The following VAV3 variants were observed in gnomAD, a reference collection of about 807,000 sequenced individuals.
VAV3 encodes guanine nucleotide exchange factor VAV3.
A neutral mutation model predicts 131.2 loss-of-function variants in VAV3; 94 were observed. That is an observed-to-expected ratio of 0.72 (90% confidence interval 0.61 to 0.85). VAV3 has a LOEUF of 0.85. Ranked by LOEUF, VAV3 falls within the 40% of genes least tolerant of loss-of-function variation. The pLI, the probability that VAV3 is intolerant of heterozygous loss-of-function variation, is 0.00. For missense variants in VAV3, 939 were observed against 1,002.7 expected, an observed-to-expected ratio of 0.94 and a Z score of 0.86; for synonymous variants, 349 against 342.0, an observed-to-expected ratio of 1.02 and a Z score of -0.22.
chr1:107,897,571 C>G (rs1671651566), intron 1 of VAV3, among the ~76,000 whole-genome samples: 1 of 152,048 alleles, frequency 6.6e-6, no homozygotes. Flanking sequence ...GTCAAGAAGG[C>G]TTTAGCCTCC....
At chr1:107,804,247 T>G (rs1666957892) in intron 2 of VAV3, among the ~76,000 whole-genome samples, 1 of 152,178 alleles carries the variant, frequency 6.6e-6, no homozygotes, top group Non-Finnish European at 1.5e-5. Context: ...TCAGTGCTAT[T>G]ACTGATGGGT....
intron 17 of VAV3, among the ~76,000 whole-genome samples, chr1:107,697,932 G>A (rs1206040788): frequency 6.6e-6 from 1 of 152,186 alleles, no homozygotes; most frequent in East Asian, 1.9e-4. Flanking sequence ...TCAGTACTGG[G>A]CTTTTGACAC....
At chr1:107,961,310 C>T (rs1675071541) in intron 1 of VAV3, among the ~76,000 whole-genome samples, 1 of 152,142 alleles carries the variant, frequency 6.6e-6, no homozygotes, top group African/African-American at 2.4e-5. Context: ...ATCTTCTTAA[C>T]CACTAAAAGT....
chr1:107,753,437 C>T (rs921753714), intron 12 of VAV3, among the ~76,000 whole-genome samples: 7 of 148,950 alleles, frequency 4.7e-5, no homozygotes, highest in East Asian at 2.0e-4. Context: ...CAAATTAATG[C>T]TATATATATT....
chr1:107,939,060 G>A (rs1413609744), intron 1 of VAV3, among the ~76,000 whole-genome samples: 1 of 152,162 alleles, frequency 6.6e-6, no homozygotes, highest in Non-Finnish European at 1.5e-5. Context: ...CCATGTGGCA[G>A]CCCCAGAATC....
intron 19 of VAV3, among the ~76,000 whole-genome samples, chr1:107,667,291 C>T (rs1270884995): frequency 2.0e-5 from 3 of 152,174 alleles, no homozygotes; most frequent in Non-Finnish European, 4.4e-5. Context: ...ATGCTAATAA[C>T]ACCCCCAGTA....
chr1:107,781,174 C>T (rs906949126), intron 2 of VAV3, among the ~76,000 whole-genome samples: 1 of 152,084 alleles, frequency 6.6e-6, no homozygotes, highest in African/African-American at 2.4e-5. Context: ...CTATGCTCAC[C>T]TTTACTAGCC....
intron 20 of VAV3, among the ~76,000 whole-genome samples, chr1:107,635,298 T>C (rs1654831768): frequency 6.6e-6 from 1 of 151,890 alleles, no homozygotes; most frequent in Non-Finnish European, 1.5e-5. Context: ...CCATAAAAAA[T>C]GATGAGTTCA....
rs548063778 is a variant in VAV3 at position 107,841,354 on chromosome 1, T to C, written c.321+33547A>G. Among the ~76,000 whole-genome samples, 84 of 151,886 alleles carry C rather than the reference T, an allele frequency of 5.5e-4. 1 individual carries two copies. Among genetic ancestry groups the C allele is most frequent in the African/African-American group, 2.0e-3 (82 of 41,402 alleles). ...GGTATATCAGCTGTAATAAGAAATA[T>C]GGGGAAAAAAACTAAAGCAATATAA... On this transcript the variant is annotated intron_variant, in intron 2 of 26. Coordinates refer to ENST00000370056, the MANE Select transcript of VAV3 (RefSeq NM_006113.5).
intron 1 of VAV3, among the ~76,000 whole-genome samples, chr1:107,953,807 C>T (rs1180677964): frequency 6.6e-6 from 1 of 152,110 alleles, no homozygotes; most frequent in Admixed American, 6.5e-5. Flanking sequence ...AAGACAGGCA[C>T]TCTGAAAACC....
intron 1 of VAV3, among the ~76,000 whole-genome samples, chr1:107,953,754 C>T (rs1421916626): frequency 1.3e-5 from 2 of 152,120 alleles, no homozygotes; most frequent in Admixed American, 1.3e-4. Context: ...CATAGGGAAG[C>T]ACGACGCTTG....
At chr1:107,641,802 C>T (rs4914953) in intron 20 of VAV3, among the ~76,000 whole-genome samples, 57,892 of 151,752 alleles carry the variant, frequency 0.38, 11,559 homozygotes, top group East Asian at 0.48. Flanking sequence ...CAGAGGTCCT[C>T]GGTTTGGAAA....
At chr1:107,797,275 G>T (rs141433808) in intron 2 of VAV3, among the ~76,000 whole-genome samples, 1 of 152,232 alleles carries the variant, frequency 6.6e-6, no homozygotes, top group South Asian at 2.1e-4. Flanking sequence ...ACACTAGTTT[G>T]CCTCTTAGTA....
chr1:107,853,419 A>C (rs751701477), intron 2 of VAV3, among the ~76,000 whole-genome samples: 82 of 152,168 alleles, frequency 5.4e-4, no homozygotes, highest in Non-Finnish European at 9.6e-4. Flanking sequence ...ATTTTCCATA[A>C]ATAATATGTG....
At chr1:107,867,511 T>TA in intron 2 of VAV3, among the ~76,000 whole-genome samples, 1 of 152,274 alleles carries the variant, frequency 6.6e-6, no homozygotes, top group South Asian at 2.1e-4. Flanking sequence ...GGAATTGTGT[T>TA]AACAGCCAGC....
chr1:107,580,345 G>A (rs937734751), intron 25 of VAV3, among the ~76,000 whole-genome samples: 5 of 152,120 alleles, frequency 3.3e-5, no homozygotes, highest in African/African-American at 1.2e-4. Context: ...CAAAGAAAGC[G>A]AAATATATTC....
chr1:107,901,532 T>A (rs566839481), intron 1 of VAV3, among the ~76,000 whole-genome samples: 2 of 152,088 alleles, frequency 1.3e-5, no homozygotes, highest in African/African-American at 4.8e-5. Flanking sequence ...AAACAAAAAA[T>A]GAGGGTGTGG....
chr1:107,762,300 T>C (rs990527953), intron 9 of VAV3, among the ~76,000 whole-genome samples: 26 of 152,146 alleles, frequency 1.7e-4, no homozygotes, highest in African/African-American at 5.6e-4. Context: ...TTAGTTTTTC[T>C]GGCACATGGA....
At chr1:107,924,047 G>C (rs760973078) in intron 1 of VAV3, among the ~76,000 whole-genome samples, 1 of 152,072 alleles carries the variant, frequency 6.6e-6, no homozygotes, top group African/African-American at 2.4e-5. Context: ...AACCAAAACA[G>C]TACTGTTTTG....
Sources: allele counts gnomAD v4.1 joint callset (sites outside exome capture counted in the v4.1 genomes callset), GRCh38; gene constraint gnomAD v4.1.1; transcripts MANE v1.5; gene names NCBI Gene and HGNC (gene_info 2026-07-23, HGNC 2026-07-21).